FBN1: variants seen among roughly 807,000 people sequenced by gnomAD.
FBN1 encodes the protein fibrillin-1.
FBN1 carries 29 observed loss-of-function variants against 365.1 expected under a neutral mutation model. The ratio of observed to expected loss-of-function variants is 0.08; its 90% CI spans 0.06 to 0.11. The LOEUF is 0.11. Ranked by LOEUF, FBN1 falls within the 10% of genes least tolerant of loss-of-function variation. The pLI, the probability that FBN1 is intolerant of heterozygous loss-of-function variation, is 1.00. For synonymous variants in FBN1, 1,210 were observed against 1,270.5 expected (o/e 0.95, Z 1.01); for missense variants, 2,476 against 3,703.2 (o/e 0.67, Z 8.60).
chr15:48,618,258 C>CCACAAAAAAAA (rs1889695746), intron 2 of FBN1, among the ~76,000 whole-genome samples: 1 of 152,038 alleles, frequency 6.6e-6, no homozygotes, highest in Non-Finnish European at 1.5e-5. Flanking sequence ...TGTGATAGAT[C>CCACAAAAAAAA]ATGAAACAAT....
intron 2 of FBN1, among the ~76,000 whole-genome samples, chr15:48,626,466 T>C (rs962732942): frequency 2.0e-5 from 3 of 152,138 alleles, no homozygotes; most frequent in African/African-American, 7.2e-5. Flanking sequence ...GCTTCAGAGA[T>C]CTTGTAGCTC....
chr15:48,437,837 C>T lies in FBN1; in HGVS notation c.6244G>A (p.Glu2082Lys). 1.9e-6 allele frequency: 3 copies of T among 1,613,892 alleles called. No homozygotes were observed. Among genetic ancestry groups the T allele is most frequent in the Non-Finnish European group, 1.7e-6 (2 of 1,179,880 alleles). Reference sequence around the variant, plus strand: ...TCTCCCTTCAAGGCACAGCAGCATTCCTGCTTGGAGTGATTTCTGGATTTG... The same window carrying T: ...TCTCCCTTCAAGGCACAGCAGCATTTCTGCTTGGAGTGATTTCTGGATTTG... ...SPKSRNHSKQ[E>K]CCCALKGEGW... The change falls in exon 51 of 66, where the codon GAA (glutamate) becomes AAA (lysine). Residue 2082 changes from glutamate to lysine, a missense_variant. Transcript: ENST00000316623.
At chr15:48,644,518 G>T in intron 2 of FBN1, 88 bp downstream of exon 2, 1 of 1,591,426 alleles carries the variant, frequency 6.3e-7, no homozygotes, top group Non-Finnish European at 8.6e-7. Flanking sequence ...TTGCCAAGGA[G>T]TCTTCCACAG....
At chr15:48,589,041 T>C (rs1310432626) in intron 6 of FBN1, among the ~76,000 whole-genome samples, 2 of 152,190 alleles carry the variant, frequency 1.3e-5, no homozygotes, top group Non-Finnish European at 2.9e-5. Flanking sequence ...ATGAATGTTT[T>C]CTGCCAACAA....
chr15:48,634,601 T>G (rs1890054535), intron 2 of FBN1, among the ~76,000 whole-genome samples: 1 of 152,108 alleles, frequency 6.6e-6, no homozygotes, highest in African/African-American at 2.4e-5. Context: ...CCTGTTTTGC[T>G]TTTTGAACAC....
chr15:48,510,271 G>A, intron 13 of FBN1, 102 bp from the exon 14 acceptor site: 1 of 1,142,992 alleles, frequency 8.7e-7, no homozygotes, highest in Non-Finnish European at 1.3e-6. Flanking sequence ...CTTGGCTTTT[G>A]GTTTTAATTA....
chr15:48,426,853 C>A (rs2042982943), intron 58 of FBN1, among the ~76,000 whole-genome samples: 1 of 152,044 alleles, frequency 6.6e-6, no homozygotes, highest in African/African-American at 2.4e-5. Flanking sequence ...AAATCACATC[C>A]AGTTCCATTA....
chr15:48,488,555 A>G (rs2043529986), intron 25 of FBN1, 62 bp from the exon 26 acceptor site: 2 of 1,578,670 alleles, frequency 1.3e-6, no homozygotes, highest in Admixed American at 1.7e-5. Flanking sequence ...GGAGGTCTCA[A>G]TGCCCACCAT....
At chr15:48,614,150 G>A (rs141262282) in intron 2 of FBN1, among the ~76,000 whole-genome samples, 9 of 152,250 alleles carry the variant, frequency 5.9e-5, no homozygotes, top group Non-Finnish European at 1.0e-4. Context: ...AATACACAGA[G>A]ACCTAGAAGC....
intron 2 of FBN1, among the ~76,000 whole-genome samples, chr15:48,635,481 A>G (rs781493072): frequency 1.2e-4 from 18 of 152,294 alleles, no homozygotes; most frequent in Middle Eastern, 3.4e-3. Flanking sequence ...TACAACACCA[A>G]TTCTATTAGC....
intron 6 of FBN1, among the ~76,000 whole-genome samples, chr15:48,581,020 C>T (rs1464305851): frequency 6.6e-6 from 1 of 152,140 alleles, no homozygotes; most frequent in Non-Finnish European, 1.5e-5. Flanking sequence ...TGGGTGAGCT[C>T]AGAACATCAT....
intron 55 of FBN1, among the ~76,000 whole-genome samples, chr15:48,431,258 T>C (rs1446284206): frequency 6.6e-6 from 1 of 151,862 alleles, no homozygotes; most frequent in Non-Finnish European, 1.5e-5. Flanking sequence ...CCACCACGCC[T>C]GGCTAATTTT....
At chr15:48,463,867 A>C in intron 41 of FBN1, 32 bp downstream of exon 41, 1 of 1,587,126 alleles carries the variant, frequency 6.3e-7, no homozygotes, top group East Asian at 2.3e-5. Flanking sequence ...ATGAGAACCA[A>C]ACATGCATTA....
intron 2 of FBN1, among the ~76,000 whole-genome samples, chr15:48,627,173 AT>A (rs1566941289): frequency 6.6e-6 from 1 of 152,200 alleles, no homozygotes; most frequent in Non-Finnish European, 1.5e-5. Flanking sequence ...TTTGTACATC[AT>A]TTTTTGTGCT....
chr15:48,614,620 G>A (rs1430468990), intron 2 of FBN1, among the ~76,000 whole-genome samples: 2 of 152,078 alleles, frequency 1.3e-5, no homozygotes, highest in African/African-American at 2.4e-5. Flanking sequence ...CCAAGGAAAG[G>A]GCCCTAACTC....
In FBN1 at chr15:48,488,355, C is replaced by T. The variant is rs2043527577; in HGVS notation, c.3208+13G>A. On this transcript the variant is annotated intron_variant, in intron 26 of 65. Coordinates refer to ENST00000316623, the MANE Select transcript of FBN1 (RefSeq NM_000138.5). ...ACGTCCCCTCTCCTGGCCCTTAAGG[C>T]TCATTAACTGACCTGTGCAGTTCCT... 6.2e-7 allele frequency: 1 copy of T among 1,614,234 alleles called. No homozygotes were observed. The highest frequency in any genetic ancestry group is 2.2e-5 in the East Asian group (1 of 44,894).
intron 6 of FBN1, among the ~76,000 whole-genome samples, chr15:48,572,687 T>C (rs570132522): frequency 1.1e-4 from 17 of 152,110 alleles, no homozygotes; most frequent in East Asian, 5.8e-4. Context: ...ACATAGTAAA[T>C]TGACAAGATT....
intron 43 of FBN1, 114 bp from the exon 44 acceptor site, chr15:48,456,876 G>C (rs1217551730): frequency 2.9e-6 from 3 of 1,040,808 alleles, no homozygotes; most frequent in East Asian, 2.5e-5. Context: ...GTGTGTGCGT[G>C]CATGTGTTGG....
chr15:48,526,722 T>C (rs1397028306), intron 8 of FBN1, among the ~76,000 whole-genome samples: 1 of 152,120 alleles, frequency 6.6e-6, no homozygotes, highest in Non-Finnish European at 1.5e-5. Context: ...GTGGTCTGAG[T>C]GCTGATCCCA....
Sources: allele counts gnomAD v4.1 joint callset (sites outside exome capture counted in the v4.1 genomes callset), GRCh38; gene constraint gnomAD v4.1.1; transcripts MANE v1.5; gene names NCBI Gene and HGNC (gene_info 2026-07-23, HGNC 2026-07-21).